ARMH4: variants seen among roughly 807,000 people sequenced by gnomAD.
ARMH4 encodes armadillo like helical domain containing 4.
Under a neutral mutation model 61.9 loss-of-function variants are expected in ARMH4, and 49 were observed. The ratio of observed to expected loss-of-function variants is 0.79; its 90% CI spans 0.63 to 1.00. The LOEUF (loss-of-function observed/expected upper bound fraction) is 1.00. ARMH4 is among the 50% of genes least tolerant of loss of function. ARMH4 has a pLI of 0.00. For missense variants in ARMH4, 934 were observed against 930.0 expected (o/e 1.00, Z -0.06); for synonymous variants, 368 against 341.5 (o/e 1.08, Z -0.85).
intron 5 of ARMH4, among the ~76,000 whole-genome samples, chr14:58,018,569 G>A (rs1271340962): frequency 6.6e-6 from 1 of 151,712 alleles, no homozygotes; most frequent in Non-Finnish European, 1.5e-5. Context: ...AATGTACAAC[G>A]AGATATGAAT....
At chr14:58,105,038 TG>T (rs879804104) in intron 4 of ARMH4, among the ~76,000 whole-genome samples, 2 of 152,238 alleles carry the variant, frequency 1.3e-5, no homozygotes, top group Non-Finnish European at 2.9e-5. Context: ...GAAAGTCATC[TG>T]TATTTCGGCC....
chr14:58,069,837 C>G (rs1884826235), intron 5 of ARMH4, among the ~76,000 whole-genome samples: 2 of 152,172 alleles, frequency 1.3e-5, no homozygotes, highest in Non-Finnish European at 2.9e-5. Context: ...TTATAACACC[C>G]ATTCACACCA....
intron 5 of ARMH4, among the ~76,000 whole-genome samples, chr14:58,083,310 T>C (rs1213622394): frequency 1.3e-5 from 2 of 152,236 alleles, no homozygotes; most frequent in African/African-American, 4.8e-5. Context: ...CCAGGCATGG[T>C]AGCTCATGCC....
rs377739197 is a variant in ARMH4 at position 58,138,585 on chromosome 14, C to T, written c.774G>A (p.Ser258=). Residue 258 remains serine (S), a synonymous_variant, in exon 2 of 8, where the codon TCG becomes TCA. Coordinates refer to ENST00000267485, the MANE Select transcript of ARMH4 (RefSeq NM_001001872.4). ...GSLTPDKEKP[S]QMTADNTQAA... is the part of the protein sequence containing the mutation. Reference sequence around the variant, plus strand: ...CCTGGGTGTTATCAGCTGTCATCTGCGAAGGCTTCTCCTTATCAGGGGTGA... The same window carrying T: ...CCTGGGTGTTATCAGCTGTCATCTGTGAAGGCTTCTCCTTATCAGGGGTGA... 1.3e-5 allele frequency: 21 copies of T among 1,614,182 alleles called. No individual in the cohort carries two copies. Among genetic ancestry groups the T allele is most frequent in the East Asian group, 8.9e-5 (4 of 44,876 alleles).
Position 58,010,610 on chromosome 14 carries a change from G to A in ARMH4, c.2121+1509C>T, listed in dbSNP as rs530729164. ...CTTCAAAATAAGCCAGAAAACTAGCGGTCACATACAAAATTATTTCTCTTG... is the reference window on the plus strand; with the variant it reads ...CTTCAAAATAAGCCAGAAAACTAGCAGTCACATACAAAATTATTTCTCTTG... On this transcript the variant is annotated intron_variant, in intron 6 of 7. Coordinates refer to ENST00000267485, the MANE Select transcript of ARMH4 (RefSeq NM_001001872.4). Among the ~76,000 whole-genome samples the A allele has an allele frequency of 1.4e-4, 22 of 151,756 alleles. No individual in the cohort carries two copies. In the South Asian group the frequency reaches 3.7e-3, roughly 26 times the overall value.
chr14:58,150,711 T>C (rs542285771), intron 1 of ARMH4, among the ~76,000 whole-genome samples: 1 of 152,108 alleles, frequency 6.6e-6, no homozygotes, highest in Non-Finnish European at 1.5e-5. Context: ...CAAATCTGTC[T>C]GCTGCACAAG....
intron 5 of ARMH4, among the ~76,000 whole-genome samples, chr14:58,094,371 A>G (rs1372451506): frequency 6.7e-6 from 1 of 150,040 alleles, no homozygotes; most frequent in Admixed American, 6.7e-5. Context: ...AGGGGACTGA[A>G]ATCAGGAGTC....
chr14:58,089,499 G>A (rs1885490336), intron 5 of ARMH4, among the ~76,000 whole-genome samples: 1 of 152,176 alleles, frequency 6.6e-6, no homozygotes, highest in South Asian at 2.1e-4. Context: ...AGGCTGCAAT[G>A]CATTATACCC....
At position 58,124,540 on chromosome 14, in the gene ARMH4, G is replaced by A. The variant is rs183208890; in HGVS notation, c.1831+6972C>T. ...TGACTGCTAAAGGAGACTTGTGGCT[G>A]TCAGACAACCGTTTACTTAAATATC... On this transcript the variant is annotated intron_variant, in intron 4 of 7. Transcript: ENST00000267485. 8.4e-3 allele frequency among the ~76,000 whole-genome samples: 1,280 copies of A among 152,318 alleles called. 20 individuals carry two copies. The highest frequency in any genetic ancestry group is 0.029 in the African/African-American group (1,215 of 41,562).
intron 5 of ARMH4, among the ~76,000 whole-genome samples, chr14:58,026,303 AG>A (rs1035036699): frequency 1.3e-5 from 2 of 152,068 alleles, no homozygotes; most frequent in African/African-American, 4.8e-5. Flanking sequence ...AGAAAAAAAA[AG>A]TATTTGCCTC....
intron 5 of ARMH4, among the ~76,000 whole-genome samples, chr14:58,027,134 A>G (rs1383529777): frequency 6.6e-6 from 1 of 152,224 alleles, no homozygotes; most frequent in Non-Finnish European, 1.5e-5. Flanking sequence ...CACTCAAGAG[A>G]GATTAAGGCA....
At position 58,001,951 on chromosome 14, in the gene ARMH4, A is replaced by G. The variant is rs1188482161; in HGVS notation, c.*2785T>C. The G allele has an allele frequency of 1.3e-5, 2 of 152,202 alleles. No individual in the cohort carries two copies. The highest frequency in any genetic ancestry group is 4.8e-5 in the African/African-American group (2 of 41,452). 9.4% of individuals were successfully genotyped at this position (152,202 alleles called of 1,614,324 possible). On this transcript the variant is annotated 3_prime_UTR_variant, in exon 8 of 8. Coordinates refer to ENST00000267485, the MANE Select transcript of ARMH4 (RefSeq NM_001001872.4). ...GTTCACAACTGAAGCTGCAGGAATCAGCCCTCCTTTCCAGACAGCTTTATT... is the reference window on the plus strand; with the variant it reads ...GTTCACAACTGAAGCTGCAGGAATCGGCCCTCCTTTCCAGACAGCTTTATT...
intron 4 of ARMH4, among the ~76,000 whole-genome samples, chr14:58,100,214 TGGTGGTTTGA>T (rs1448025263): frequency 6.6e-6 from 1 of 152,190 alleles, no homozygotes; most frequent in Non-Finnish European, 1.5e-5. Flanking sequence ...AGAGAAATGT[TGGTGGTTTGA>T]GGTGAGAGGA....
intron 6 of ARMH4, among the ~76,000 whole-genome samples, chr14:58,008,152 G>C (rs556221888): frequency 6.6e-6 from 1 of 152,272 alleles, no homozygotes; most frequent in South Asian, 2.1e-4. Context: ...TAACTGCACA[G>C]AGATCTGCTT....
chr14:58,020,442 A>G (rs1157955758), intron 5 of ARMH4, among the ~76,000 whole-genome samples: 3 of 151,488 alleles, frequency 2.0e-5, no homozygotes, highest in Admixed American at 2.0e-4. Flanking sequence ...TCTGTCTCTC[A>G]TTGTGTCTCT....
intron 5 of ARMH4, among the ~76,000 whole-genome samples, chr14:58,030,060 T>G (rs776387278): frequency 6.6e-6 from 1 of 152,110 alleles, no homozygotes; most frequent in Non-Finnish European, 1.5e-5. Flanking sequence ...AAAATAAAAT[T>G]TTTATGTACC....
chr14:58,016,607 C>G (rs55701552), intron 5 of ARMH4, among the ~76,000 whole-genome samples: 35,336 of 152,118 alleles, frequency 0.23, 4,651 homozygotes, highest in Non-Finnish European at 0.3. Context: ...TTCCATAAAC[C>G]TTTGCAAACT....
intron 5 of ARMH4, among the ~76,000 whole-genome samples, chr14:58,071,575 GC>G (rs1278809970): frequency 6.6e-6 from 1 of 151,780 alleles, no homozygotes; most frequent in Non-Finnish European, 1.5e-5. Context: ...AGAAACTGAA[GC>G]TTTTTTTTTT....
chr14:58,076,727 G>C (rs918168354), intron 5 of ARMH4, among the ~76,000 whole-genome samples: 1 of 152,140 alleles, frequency 6.6e-6, no homozygotes, highest in Non-Finnish European at 1.5e-5. Flanking sequence ...ACTTGATCCT[G>C]GGTAAACTGA....
Sources: gnomAD v4.1 joint callset for allele counts (sites outside exome capture counted in the v4.1 genomes callset) on GRCh38, gnomAD v4.1.1 for gene constraint, MANE v1.5 for transcripts, NCBI Gene and HGNC (gene_info 2026-07-23, HGNC 2026-07-21) for gene names.